INTS15: variants seen among roughly 807,000 people sequenced by gnomAD.
INTS15 encodes uncharacterized protein C7orf26.
the INTS15 span, among the ~76,000 whole-genome samples, chr7:6,605,950 C>T: frequency 5.9e-5 from 9 of 152,148 alleles, no homozygotes; most frequent in South Asian, 8.3e-4. Flanking sequence ...CTGCCTTCCT[C>T]GGCATCCAAA....
chr7:6,601,378 C>T, the INTS15 span, among the ~76,000 whole-genome samples: 12 of 151,954 alleles, frequency 7.9e-5, no homozygotes, highest in African/African-American at 2.7e-4. Flanking sequence ...TCATTGCAAC[C>T]TCTGCCTCCC....
the INTS15 span, chr7:6,602,105 C>G: frequency 6.2e-7 from 1 of 1,613,206 alleles, no homozygotes; most frequent in Non-Finnish European, 8.5e-7. Flanking sequence ...TTGCAGATGA[C>G]CTGAGAACCT....
At chr7:6,591,183 G>T in the INTS15 span, among the ~76,000 whole-genome samples, 200 of 152,068 alleles carry the variant, frequency 1.3e-3, no homozygotes, top group African/African-American at 4.7e-3. Context: ...CCTGAGACCT[G>T]AGCTTTACGA....
the INTS15 span, among the ~76,000 whole-genome samples, chr7:6,599,175 G>GGATT: frequency 6.6e-6 from 1 of 152,278 alleles, no homozygotes; most frequent in East Asian, 1.9e-4. Context: ...GGTGGAGGGA[G>GGATT]GATTAAACGA....
At chr7:6,592,170 CA>C in the INTS15 span, among the ~76,000 whole-genome samples, 11 of 144,230 alleles carry the variant, frequency 7.6e-5, no homozygotes, top group Admixed American at 2.8e-4. Context: ...GACTCCGTCT[CA>C]AAAAAAAAAG....
the INTS15 span, among the ~76,000 whole-genome samples, chr7:6,603,026 G>A: frequency 6.6e-6 from 1 of 152,164 alleles, no homozygotes; most frequent in Admixed American, 6.6e-5. Flanking sequence ...GAGGCAGGTG[G>A]ATCACCTGAG....
the INTS15 span, chr7:6,608,076 A>AACCCCCCCCCCCCCC: frequency 2.6e-6 from 3 of 1,143,482 alleles, no homozygotes; most frequent in Non-Finnish European, 3.6e-6. Context: ...GTCCCGGCCC[A>AACCCCCCCCCCCCCC]CCCCGCCGCC....
the INTS15 span, chr7:6,590,560 G>A: frequency 2.8e-6 from 4 of 1,405,766 alleles, no homozygotes; most frequent in Middle Eastern, 2.6e-4. Flanking sequence ...GTGTCAAGCC[G>A]CGGGCGCCCC....
chr7:6,593,818 T>G, the INTS15 span, among the ~76,000 whole-genome samples: 1 of 151,274 alleles, frequency 6.6e-6, no homozygotes, highest in African/African-American at 2.4e-5. Context: ...TCTGGCTAAT[T>G]TTTTCTATTT....
chr7:6,595,528 T>A, the INTS15 span, among the ~76,000 whole-genome samples: 2 of 152,134 alleles, frequency 1.3e-5, no homozygotes, highest in Non-Finnish European at 2.9e-5. Flanking sequence ...GTGTGCAGTT[T>A]GCTAAGAGGG....
chr7:6,602,673 G>C, the INTS15 span: 1 of 471,156 alleles, frequency 2.1e-6, no homozygotes, highest in African/African-American at 2.0e-5. Context: ...GGACGGTAGT[G>C]AGGATGAGAC....
the INTS15 span, chr7:6,608,436 C>T: frequency 4.4e-5 from 58 of 1,330,070 alleles, no homozygotes; most frequent in East Asian, 1.7e-3. Context: ...GTTCTCTGCG[C>T]ATTTCAGACA....
At chr7:6,594,387 C>G in the INTS15 span, 2 of 1,601,334 alleles carry the variant, frequency 1.2e-6, no homozygotes, top group African/African-American at 1.3e-5. Context: ...TGCTGGTCTA[C>G]TCACTCACGA....
the INTS15 span, among the ~76,000 whole-genome samples, chr7:6,597,199 C>T: frequency 2.6e-5 from 4 of 152,170 alleles, no homozygotes; most frequent in Non-Finnish European, 2.9e-5. Context: ...CCAAAGGCTT[C>T]CTAATTGCTG....
At chr7:6,590,242 G>T in the INTS15 span, 8 of 1,451,288 alleles carry the variant, frequency 5.5e-6, no homozygotes, top group Non-Finnish European at 7.2e-6. Context: ...GCCCCGGGCG[G>T]AAGTGAGACG....
the INTS15 span, chr7:6,607,555 C>G: frequency 2.3e-6 from 3 of 1,328,912 alleles, no homozygotes; most frequent in Admixed American, 4.5e-5. The surrounding 1 kb of genome is among the most constrained non-coding windows in gnomAD (Gnocchi z 6.0). Flanking sequence ...ATTTCGGGGT[C>G]GTTTGCAAGG....
At chr7:6,601,042 G>A in the INTS15 span, among the ~76,000 whole-genome samples, 1 of 150,910 alleles carries the variant, frequency 6.6e-6, no homozygotes, top group South Asian at 2.1e-4. Flanking sequence ...ATCGTAGCTC[G>A]CCACAGTCTC....
At chr7:6,600,052 C>G in the INTS15 span, 1 of 1,614,122 alleles carries the variant, frequency 6.2e-7, no homozygotes, top group Non-Finnish European at 8.5e-7. Flanking sequence ...GCCATGTCAG[C>G]AACAAGGTCA....
At chr7:6,596,433 C>T in the INTS15 span, among the ~76,000 whole-genome samples, 1 of 138,188 alleles carries the variant, frequency 7.2e-6, no homozygotes, top group African/African-American at 2.7e-5. Flanking sequence ...GGCTGGAGTG[C>T]AGTGGCATGA....
Sources: gnomAD v4.1 joint callset for allele counts (sites outside exome capture counted in the v4.1 genomes callset) on GRCh38, gnomAD v4.1.1 for gene constraint, Gnocchi (gnomAD v3.1) non-coding constraint, MANE v1.5 for transcripts, NCBI Gene and HGNC (gene_info 2026-07-23, HGNC 2026-07-21) for gene names.